SV2C: variants seen among roughly 807,000 people sequenced by gnomAD.
SV2C encodes solute carrier family 22 member B3.
Under a neutral mutation model 79.7 loss-of-function variants are expected in SV2C, and 49 were observed. The ratio of observed to expected loss-of-function variants is 0.61; its 90% CI spans 0.49 to 0.78. The LOEUF is 0.78. Among genes scored for constraint, SV2C ranks in the 30% least tolerant of loss-of-function variants. SV2C has a pLI of 0.00. For missense variants in SV2C, 833 were observed against 912.9 expected, an observed-to-expected ratio of 0.91 and a Z score of 1.13; for synonymous variants, 334 against 333.2, an observed-to-expected ratio of 1.00 and a Z score of -0.03.
At chr5:75,932,288 C>CAG in the SV2C span, among the ~76,000 whole-genome samples, 1 of 152,204 alleles carries the variant, frequency 6.6e-6, no homozygotes, top group Non-Finnish European at 1.5e-5. Flanking sequence ...ATTCTAGCTG[C>CAG]AGAGCTTCAC....
chr5:76,205,614 G>A (rs892365484), intron 3 of SV2C, among the ~76,000 whole-genome samples: 1 of 152,124 alleles, frequency 6.6e-6, no homozygotes. Flanking sequence ...TTCAACAGTA[G>A]CTAACTGATC....
the SV2C span, chr5:75,921,511 G>T: frequency 1.2e-6 from 1 of 805,762 alleles, no homozygotes; most frequent in Non-Finnish European, 2.2e-6. Flanking sequence ...CAATGGCCAG[G>T]GCTGTGACAA....
rs1471887510 is a variant in SV2C at position 76,238,061 on chromosome 5, CACACAT to C, written c.913+28176_913+28181del. On this transcript the variant is annotated intron_variant, in intron 4 of 12. Transcript: ENST00000502798. The stretch of plus-strand genomic sequence containing the variant: ...ACACACACACACACACACACACACA[CACACAT>C]ATATATACCTCACCACCATTTTTTT... Among the ~76,000 whole-genome samples the C allele has an allele frequency of 5.1e-3, 366 of 72,034 alleles. 3 individuals carry two copies. The highest frequency in any genetic ancestry group is 0.014 in the African/African-American group (341 of 25,062). 47.3% of individuals were successfully genotyped at this position (72,034 alleles called of 152,430 possible). A position where few individuals can be genotyped will look rare whatever the true frequency, so the allele number is the denominator to read the frequency against.
In SV2C at chr5:76,140,830, G is replaced by C. The variant is rs1319883757; in HGVS notation, c.580+8500G>C. ...ACCCTGCTTGATCTCTTTGTCCTCA[G>C]CATCTATGTGGGTACCTCTCATGGA... On this transcript the variant is annotated intron_variant, in intron 2 of 12. Transcript: ENST00000502798. 4.6e-5 allele frequency among the ~76,000 whole-genome samples: 7 copies of C among 152,224 alleles called. No individual in the cohort carries two copies. The South Asian group carries it at 1.5e-3, about 32-fold the overall frequency.
At chr5:75,959,112 T>C in the SV2C span, among the ~76,000 whole-genome samples, 1 of 151,982 alleles carries the variant, frequency 6.6e-6, no homozygotes, top group Non-Finnish European at 1.5e-5. Flanking sequence ...AAGTGTTCTT[T>C]GCACCGTGGT....
At chr5:75,961,648 C>A in the SV2C span, among the ~76,000 whole-genome samples, 1 of 151,330 alleles carries the variant, frequency 6.6e-6, no homozygotes, top group East Asian at 1.9e-4. Context: ...AATTACATAC[C>A]ATTTAATATT....
the SV2C span, among the ~76,000 whole-genome samples, chr5:75,894,974 C>T: frequency 6.6e-6 from 1 of 152,046 alleles, no homozygotes; most frequent in African/African-American, 2.4e-5. Context: ...TCTGAAGATG[C>T]ATACGGAGTT....
intron 2 of SV2C, among the ~76,000 whole-genome samples, chr5:76,141,434 T>A (rs1749246268): frequency 6.6e-6 from 1 of 152,156 alleles, no homozygotes; most frequent in South Asian, 2.1e-4. Flanking sequence ...TGGCCTTACA[T>A]ACATTGATCC....
chr5:76,193,245 C>T (rs1744162202), intron 2 of SV2C, among the ~76,000 whole-genome samples: 1 of 152,194 alleles, frequency 6.6e-6, no homozygotes, highest in African/African-American at 2.4e-5. Context: ...TGATAAGCCA[C>T]TTTCCCCAGA....
the SV2C span, among the ~76,000 whole-genome samples, chr5:76,012,637 T>C: frequency 6.6e-6 from 1 of 152,252 alleles, no homozygotes; most frequent in Non-Finnish European, 1.5e-5. Flanking sequence ...ATTTTGGCTT[T>C]TGTTGCCATC....
At chr5:76,320,039 C>T (rs773374385) in intron 12 of SV2C, among the ~76,000 whole-genome samples, 3 of 151,964 alleles carry the variant, frequency 2.0e-5, no homozygotes, top group Non-Finnish European at 4.4e-5. Context: ...AAGCCAGGCA[C>T]GGTGGCTCAT....
chr5:76,204,043 TG>T (rs1181917072), intron 3 of SV2C, among the ~76,000 whole-genome samples: 1 of 152,118 alleles, frequency 6.6e-6, no homozygotes, highest in Non-Finnish European at 1.5e-5. Flanking sequence ...TCAGAAAGAG[TG>T]TTAGGTGTGT....
At chr5:76,052,917 T>C in the SV2C span, among the ~76,000 whole-genome samples, 1 of 150,952 alleles carries the variant, frequency 6.6e-6, no homozygotes, top group African/African-American at 2.4e-5. Context: ...TATATATTAG[T>C]ATTATGTTAA....
At chr5:75,970,363 C>A in the SV2C span, among the ~76,000 whole-genome samples, 1 of 151,974 alleles carries the variant, frequency 6.6e-6, no homozygotes, top group Non-Finnish European at 1.5e-5. Context: ...AAAAACCCTT[C>A]AAAAAATCAA....
intron 4 of SV2C, among the ~76,000 whole-genome samples, chr5:76,263,036 A>G (rs1208862762): frequency 6.6e-6 from 1 of 152,110 alleles, no homozygotes; most frequent in Non-Finnish European, 1.5e-5. Context: ...TAGGGTGTTA[A>G]AGTCTTCCAC....
At chr5:76,253,855 A>G (rs1169758099) in intron 4 of SV2C, among the ~76,000 whole-genome samples, 1 of 152,190 alleles carries the variant, frequency 6.6e-6, no homozygotes, top group African/African-American at 2.4e-5. Flanking sequence ...GATTATCTCC[A>G]TGTATTATGA....
At chr5:75,889,858 T>A in the SV2C span, among the ~76,000 whole-genome samples, 69 of 152,200 alleles carry the variant, frequency 4.5e-4, no homozygotes, top group Non-Finnish European at 7.9e-4. Context: ...ACTCTAGAGA[T>A]GTGTACTGTA....
intron 4 of SV2C, among the ~76,000 whole-genome samples, chr5:76,240,593 G>A (rs550077890): frequency 1.3e-4 from 20 of 152,142 alleles, no homozygotes; most frequent in Non-Finnish European, 2.2e-4. Flanking sequence ...CCCCAAGTGG[G>A]ATTGAGTCCC....
At chr5:76,111,927 T>C (rs1748109888) in intron 1 of SV2C, among the ~76,000 whole-genome samples, 1 of 152,254 alleles carries the variant, frequency 6.6e-6, no homozygotes, top group South Asian at 2.1e-4. Flanking sequence ...TCAGGTCAGA[T>C]AAATTTGGGT....
Sources: gnomAD v4.1 joint callset for allele counts (sites outside exome capture counted in the v4.1 genomes callset) on GRCh38, gnomAD v4.1.1 for gene constraint, MANE v1.5 for transcripts, NCBI Gene and HGNC (gene_info 2026-07-23, HGNC 2026-07-21) for gene names.